MXI1: variants seen among roughly 807,000 people sequenced by gnomAD.
MXI1 encodes max-interacting protein 1.
MXI1 carries 18 observed loss-of-function variants against 36.9 expected under a neutral mutation model. The observed-to-expected ratio is 0.49, with a 90% confidence interval of 0.34 to 0.72. The LOEUF is 0.72. MXI1 is among the 30% of genes least tolerant of loss of function. The pLI is 0.01. For missense variants in MXI1, 304 were observed against 379.1 expected, an observed-to-expected ratio of 0.80 and a Z score of 1.64; for synonymous variants, 160 against 146.7, an observed-to-expected ratio of 1.09 and a Z score of -0.65.
Position 110,285,149 on chromosome 10 carries a change from A to C in MXI1, c.*162A>C. On this transcript the variant is annotated 3_prime_UTR_variant, in exon 6 of 6. Coordinates refer to ENST00000332674, the MANE Select transcript of MXI1 (RefSeq NM_130439.3). ...AGGGTCAGAGGACCTGTATTTAAGC[A>C]AATACTTAGCAAAAAGTGGGGCAGA... The C allele has an allele frequency of 1.7e-6, 1 of 599,552 alleles. No homozygotes were observed. The highest frequency in any genetic ancestry group is 5.3e-5 in the South Asian group (1 of 18,942). The allele number at this position is 599,552 out of a possible 1,614,324, so 37.1% of individuals were successfully genotyped here. A position where few individuals can be genotyped will look rare whatever the true frequency, so the allele number is the denominator to read the frequency against.
At chr10:110,244,495 T>C (rs1855787669) in intron 2 of MXI1, among the ~76,000 whole-genome samples, 1 of 151,402 alleles carries the variant, frequency 6.6e-6, no homozygotes, top group Non-Finnish European at 1.5e-5. Flanking sequence ...AAAAACAGGA[T>C]TATGTTTAAA....
chr10:110,227,580 G>A (rs1855100144), intron 1 of MXI1: 1 of 924,622 alleles, frequency 1.1e-6, no homozygotes, highest in Non-Finnish European at 1.3e-6. Flanking sequence ...CACGGATGCT[G>A]GGGGGGGTCA....
chr10:110,248,352 A>T (rs1246965409), intron 3 of MXI1, among the ~76,000 whole-genome samples: 2 of 152,194 alleles, frequency 1.3e-5, no homozygotes, highest in Non-Finnish European at 2.9e-5. Flanking sequence ...TAAAAAAAAA[A>T]ATCTTTGATT....
chr10:110,278,816 A>T (rs1187878543), intron 3 of MXI1, among the ~76,000 whole-genome samples: 1 of 152,100 alleles, frequency 6.6e-6, no homozygotes, highest in African/African-American at 2.4e-5. Flanking sequence ...CCATAGCTGA[A>T]AACCTCTCCT....
In MXI1 at chr10:110,222,212, C is replaced by T. The variant is rs899986680; in HGVS notation, c.275-5977C>T. On this transcript the variant is annotated intron_variant, in intron 1 of 5. Transcript: ENST00000332674. ...TTCTCATTTAAGAGCTTAGAGTTCACCTCCCGTGTCCCCAGTGTTGATTAT... is the reference window on the plus strand; with the variant it reads ...TTCTCATTTAAGAGCTTAGAGTTCATCTCCCGTGTCCCCAGTGTTGATTAT... 2.6e-5 allele frequency among the ~76,000 whole-genome samples: 4 copies of T among 152,146 alleles called. No homozygotes were observed. The South Asian group carries it at 8.3e-4, about 32-fold the overall frequency.
intron 2 of MXI1, among the ~76,000 whole-genome samples, chr10:110,236,572 G>A (rs937356540): frequency 3.9e-5 from 6 of 152,056 alleles, no homozygotes; most frequent in African/African-American, 1.2e-4. Flanking sequence ...TTCTCCCATC[G>A]CAGCCTCCTG....
At chr10:110,250,498 A>G (rs1404298574) in intron 3 of MXI1, among the ~76,000 whole-genome samples, 1 of 151,976 alleles carries the variant, frequency 6.6e-6, no homozygotes, top group Non-Finnish European at 1.5e-5. Flanking sequence ...TTGTTTTTTC[A>G]TTTTCTTAAT....
intron 3 of MXI1, among the ~76,000 whole-genome samples, chr10:110,255,906 G>A (rs1305690946): frequency 6.6e-6 from 1 of 152,126 alleles, no homozygotes; most frequent in Non-Finnish European, 1.5e-5. Context: ...TGCATTTCCT[G>A]ATTTCAAATC....
chr10:110,238,949 G>A (rs1180691583), intron 2 of MXI1, among the ~76,000 whole-genome samples: 1 of 152,030 alleles, frequency 6.6e-6, no homozygotes, highest in African/African-American at 2.4e-5. Context: ...TACTGTTTTT[G>A]TATTGTAATT....
At chr10:110,209,253 G>T (rs1016589993) in intron 1 of MXI1, among the ~76,000 whole-genome samples, 1 of 152,144 alleles carries the variant, frequency 6.6e-6, no homozygotes, top group Non-Finnish European at 1.5e-5. Flanking sequence ...ACAGATAGGG[G>T]GAAACCGGGA....
At chr10:110,226,206 T>C in intron 1 of MXI1, 1 of 1,473,132 alleles carries the variant, frequency 6.8e-7, no homozygotes, top group Non-Finnish European at 9.0e-7. Flanking sequence ...CCACCCGCGG[T>C]GCCCATGGAG....
At chr10:110,230,941 T>C (rs1185757104) in intron 2 of MXI1, among the ~76,000 whole-genome samples, 3 of 152,380 alleles carry the variant, frequency 2.0e-5, no homozygotes, top group East Asian at 1.9e-4. Context: ...ATTTTATTAC[T>C]ATACATCTTG....
At chr10:110,241,069 T>A (rs536341871) in intron 2 of MXI1, among the ~76,000 whole-genome samples, 132 of 152,086 alleles carry the variant, frequency 8.7e-4, no homozygotes, top group African/African-American at 3.2e-3. Context: ...ATTGGAGCTA[T>A]GTTGTAGTCA....
In MXI1 at chr10:110,227,585, G is replaced by T. The variant is rs568712987; in HGVS notation, c.275-604G>T. ...GAAGGAGGAACACGGATGCTGGGGG[G>T]GGTCAGGGGAAGGGACGAGGCCGGG... On this transcript the variant is annotated intron_variant, in intron 1 of 5. Coordinates refer to ENST00000332674, the MANE Select transcript of MXI1 (RefSeq NM_130439.3). 951 of 978,228 alleles carry T rather than the reference G, an allele frequency of 9.7e-4. 10 individuals carry two copies. The African/African-American group carries it at 0.01, about 10-fold the overall frequency. 60.6% of individuals were successfully genotyped at this position (978,228 alleles called of 1,614,324 possible).
intron 1 of MXI1, among the ~76,000 whole-genome samples, chr10:110,216,312 C>T (rs997832394): frequency 1.3e-5 from 2 of 152,146 alleles, no homozygotes; most frequent in African/African-American, 2.4e-5. Context: ...AGCCATTCTC[C>T]CTAAATTTGT....
rs45597631 is a variant in MXI1, at chr10:110,227,755, A to G, written c.275-434A>G. 1,463 of 186,124 alleles carry G rather than the reference A, an allele frequency of 7.9e-3. 17 individuals are homozygous for G. The highest frequency in any genetic ancestry group is 0.013 in the Non-Finnish European group (1,121 of 89,444). 11.5% of individuals were successfully genotyped at this position (186,124 alleles called of 1,614,324 possible). On this transcript the variant is annotated intron_variant, in intron 1 of 5. Coordinates refer to ENST00000332674, the MANE Select transcript of MXI1 (RefSeq NM_130439.3). ...GGAACTCGGAGACTGTGGTGTCGAGAGAGAAAATGTCTTTCTAAGACTTGT... is the reference window on the plus strand; with the variant it reads ...GGAACTCGGAGACTGTGGTGTCGAGGGAGAAAATGTCTTTCTAAGACTTGT...
intron 3 of MXI1, among the ~76,000 whole-genome samples, chr10:110,253,052 CTT>C (rs1008826111): frequency 2.0e-5 from 3 of 152,122 alleles, no homozygotes; most frequent in African/African-American, 7.2e-5. Context: ...AAGGAGAACA[CTT>C]TATCTGATGA....
chr10:110,255,342 C>T (rs1175798272), intron 3 of MXI1, among the ~76,000 whole-genome samples: 1 of 152,174 alleles, frequency 6.6e-6, no homozygotes, highest in Non-Finnish European at 1.5e-5. Flanking sequence ...ATCGACAATA[C>T]ACCTGGTTAC....
chr10:110,256,106 C>A (rs1203980005), intron 3 of MXI1, among the ~76,000 whole-genome samples: 2 of 152,072 alleles, frequency 1.3e-5, no homozygotes, highest in Admixed American at 6.6e-5. Context: ...TACCTACATA[C>A]AAAATAATGA....
Sources: gnomAD v4.1 joint callset for allele counts (sites outside exome capture counted in the v4.1 genomes callset) on GRCh38, gnomAD v4.1.1 for gene constraint, MANE v1.5 for transcripts, NCBI Gene and HGNC (gene_info 2026-07-23, HGNC 2026-07-21) for gene names.